Variants in PREX2 observed in about 807,000 individuals in gnomAD.
PREX2 encodes the protein phosphatidylinositol 3,4,5-trisphosphate-dependent Rac exchanger 2 protein.
Under a neutral mutation model 203.2 loss-of-function variants are expected in PREX2, and 107 were observed. The observed-to-expected ratio is 0.53, with a 90% CI of 0.45 to 0.62. The LOEUF (loss-of-function observed/expected upper bound fraction) is 0.62, where lower values mean the gene tolerates loss of function less well. PREX2 is among the 20% of genes least tolerant of loss of function. PREX2 has a pLI of 0.00. For synonymous variants in PREX2, 672 were observed against 663.6 expected (o/e 1.01, Z -0.19); for missense variants, 1,777 against 1,955.9 (o/e 0.91, Z 1.72).
rs1813170348 is a variant in PREX2, at chr8:68,231,479, T to C, written c.*101T>C. 1.3e-5 allele frequency: 3 copies of C among 236,282 alleles called. No individual in the cohort carries two copies. The highest frequency in any genetic ancestry group is 1.8e-5 in the Non-Finnish European group (3 of 164,088). The allele number at this position is 236,282 out of a possible 1,614,324, so 14.6% of individuals were successfully genotyped here. On this transcript the variant is annotated 3_prime_UTR_variant, in exon 40 of 40. Transcript: ENST00000288368. The stretch of plus-strand genomic sequence containing the variant: ...TCTCCACTGAAGATACATCAATGCT[T>C]TTTTTTTTTTTTTTTTCTGTAAATC...
chr8:67,969,044 T>C (rs549029038), intron 1 of PREX2, among the ~76,000 whole-genome samples: 1 of 152,314 alleles, frequency 6.6e-6, no homozygotes, highest in Non-Finnish European at 1.5e-5. Context: ...CTGCTCAGCG[T>C]CTTAATGCTC....
At chr8:68,076,461 A>C (rs960088706) in intron 14 of PREX2, among the ~76,000 whole-genome samples, 4 of 152,112 alleles carry the variant, frequency 2.6e-5, no homozygotes, top group Non-Finnish European at 5.9e-5. Flanking sequence ...CATCTTAAAA[A>C]AAAAATAGCT....
intron 35 of PREX2, among the ~76,000 whole-genome samples, chr8:68,171,647 C>T (rs185906716): frequency 6.6e-6 from 1 of 152,170 alleles, no homozygotes; most frequent in Admixed American, 6.6e-5. Flanking sequence ...GTCGGCACAT[C>T]TCCCCATCCC....
intron 32 of PREX2, among the ~76,000 whole-genome samples, chr8:68,134,673 G>A (rs1424021629): frequency 6.6e-6 from 1 of 152,198 alleles, no homozygotes; most frequent in Non-Finnish European, 1.5e-5. Context: ...GAGCAGGCTT[G>A]AGAGCCAAGC....
chr8:68,105,743 A>T (rs1027791118), intron 23 of PREX2: 1 of 179,228 alleles, frequency 5.6e-6, no homozygotes, highest in African/African-American at 2.4e-5. Context: ...ATATATATAT[A>T]TACATATATA....
intron 31 of PREX2, among the ~76,000 whole-genome samples, chr8:68,129,514 T>C (rs921487952): frequency 2.0e-5 from 3 of 152,154 alleles, no homozygotes; most frequent in African/African-American, 7.2e-5. Context: ...TTAAATATTC[T>C]TAACCTCCTT....
In PREX2 at chr8:67,993,821, G is replaced by A. The variant is rs556652135; in HGVS notation, c.142-24025G>A. 5.2e-4 allele frequency among the ~76,000 whole-genome samples: 79 copies of A among 152,184 alleles called. 1 individual carries two copies. The highest frequency in any genetic ancestry group is 1.6e-3 in the African/African-American group (68 of 41,528). ...AAATGTCAAGCATTCTATCCAATAC[G>A]TTCTATCGGCAATCTAATTAGGAAA... is the stretch of plus-strand genomic sequence containing the variant. On this transcript the variant is annotated intron_variant, in intron 1 of 39. Coordinates refer to ENST00000288368, the MANE Select transcript of PREX2 (RefSeq NM_024870.4).
chr8:67,995,344 G>A (rs946050457), intron 1 of PREX2, among the ~76,000 whole-genome samples: 2 of 152,018 alleles, frequency 1.3e-5, no homozygotes, highest in African/African-American at 4.8e-5. Context: ...TAAGTGATGG[G>A]CACTTTAACT....
In PREX2 at chr8:68,192,501, T is replaced by A. The variant is rs1812318855; in HGVS notation, c.4580T>A (p.Ile1527Asn). 1 of 1,613,086 alleles carries A rather than the reference T, an allele frequency of 6.2e-7. No homozygotes were observed. The highest frequency in any genetic ancestry group is 8.5e-7 in the Non-Finnish European group (1 of 1,179,886). The change falls in exon 37 of 40, where the codon ATC becomes AAC. Residue 1527 changes from isoleucine to asparagine, a missense_variant. Physicochemically the swap from Ile to Asn is moderately radical, Grantham distance 149 (BLOSUM62 -3). Transcript: ENST00000288368. ...AACAGGCTGGGCGCCTGCCACATCA[T>A]CATGTGCAGCAGCGGTGTGCATCGG... Reference protein sequence around the residue: ...LCNRLGACHIIMCSSGVHRCT... With the variant: ...LCNRLGACHINMCSSGVHRCT...
At chr8:67,980,313 A>G (rs915929604) in intron 1 of PREX2, among the ~76,000 whole-genome samples, 3 of 152,178 alleles carry the variant, frequency 2.0e-5, no homozygotes, top group African/African-American at 7.2e-5. Flanking sequence ...CTACTTTTTA[A>G]CTTGGAATAT....
intron 23 of PREX2, chr8:68,105,454 A>T (rs1471573734): frequency 1.7e-6 from 2 of 1,186,264 alleles, no homozygotes; most frequent in East Asian, 1.2e-4. Flanking sequence ...ATTCACAGGC[A>T]TTTGTATTGA....
intron 35 of PREX2, among the ~76,000 whole-genome samples, chr8:68,175,887 T>G (rs1016750783): frequency 1.3e-5 from 2 of 152,066 alleles, no homozygotes; most frequent in African/African-American, 4.8e-5. Flanking sequence ...TAAAATGTTT[T>G]AATAGAATAA....
chr8:68,057,633 T>C (rs1808719376), intron 10 of PREX2, among the ~76,000 whole-genome samples: 1 of 152,158 alleles, frequency 6.6e-6, no homozygotes, highest in Non-Finnish European at 1.5e-5. Context: ...AAAGAAGCCC[T>C]GTGCAGCAAA....
At chr8:68,200,549 G>A (rs1198764870) in intron 37 of PREX2, among the ~76,000 whole-genome samples, 1 of 151,464 alleles carries the variant, frequency 6.6e-6, no homozygotes, top group African/African-American at 2.4e-5. Context: ...TCCATTATCT[G>A]TAATAAAAGT....
chr8:68,057,725 T>C (rs1469244142), intron 10 of PREX2, among the ~76,000 whole-genome samples: 1 of 152,204 alleles, frequency 6.6e-6, no homozygotes, highest in African/African-American at 2.4e-5. Flanking sequence ...AGAGAGTGAC[T>C]TCAAGTTATG....
intron 8 of PREX2, among the ~76,000 whole-genome samples, chr8:68,044,833 C>T (rs908431018): frequency 5.3e-5 from 8 of 151,958 alleles, no homozygotes; most frequent in African/African-American, 7.2e-5. Flanking sequence ...GAGAAATAGC[C>T]GAGTAGTGTC....
intron 6 of PREX2, among the ~76,000 whole-genome samples, chr8:68,033,418 T>C (rs1807942794): frequency 6.6e-6 from 1 of 152,156 alleles, no homozygotes. Context: ...ATTTTAAAGC[T>C]TTAAGAAATT....
chr8:68,109,817 G>A (rs1810501982), intron 25 of PREX2, among the ~76,000 whole-genome samples, 194 bp downstream of exon 25: 1 of 152,070 alleles, frequency 6.6e-6, no homozygotes, highest in African/African-American at 2.4e-5. Flanking sequence ...TATATTTTAA[G>A]TAAGCATTTA....
At chr8:68,013,479 C>T (rs1387191622) in intron 1 of PREX2, among the ~76,000 whole-genome samples, 1 of 152,150 alleles carries the variant, frequency 6.6e-6, no homozygotes, top group Non-Finnish European at 1.5e-5. Flanking sequence ...CTCTGATTCT[C>T]CCACCCCAAA....
Sources: gnomAD v4.1 joint callset for allele counts (sites outside exome capture counted in the v4.1 genomes callset) on GRCh38, gnomAD v4.1.1 for gene constraint, MANE v1.5 for transcripts, NCBI Gene and HGNC (gene_info 2026-07-23, HGNC 2026-07-21) for gene names.